Variants in RYR2 observed in about 807,000 individuals in gnomAD.
RYR2 encodes ryanodine receptor 2, also known as cardiac muscle ryanodine receptor-calcium release channel.
In RYR2, 227 loss-of-function variants were observed where a neutral mutation model predicts 601.1. The ratio of observed to expected loss-of-function variants is 0.38; its 90% confidence interval spans 0.34 to 0.42. The LOEUF (loss-of-function observed/expected upper bound fraction) is 0.42, where lower values mean the gene tolerates loss of function less well. Among genes scored for constraint, RYR2 ranks in the 10% least tolerant of loss-of-function variants. The pLI is 1.00. For missense variants in RYR2, 4,646 were observed against 6,156.5 expected (o/e 0.75, Z 8.21); for synonymous variants, 2,223 against 2,175.1 (o/e 1.02, Z -0.61).
intron 1 of RYR2, among the ~76,000 whole-genome samples, chr1:237,234,104 G>A (rs1018352530): frequency 6.6e-6 from 1 of 152,138 alleles, no homozygotes; most frequent in African/African-American, 2.4e-5. Context: ...CAACCTCAGG[G>A]AACTCGCATG....
chr1:237,195,314 T>A (rs2149020042), intron 1 of RYR2, among the ~76,000 whole-genome samples: 1 of 152,354 alleles, frequency 6.6e-6, no homozygotes, highest in South Asian at 2.1e-4. Context: ...AGTGCAATGA[T>A]GTGATCTCGG....
At chr1:237,545,964 GT>G (rs934160769) in intron 25 of RYR2, among the ~76,000 whole-genome samples, 20 of 149,706 alleles carry the variant, frequency 1.3e-4, no homozygotes, top group Admixed American at 5.3e-4. Context: ...AATGTTTTGG[GT>G]TTTTTTTAAT....
chr1:237,373,566 T>A (rs1700805897), intron 6 of RYR2, among the ~76,000 whole-genome samples: 1 of 152,234 alleles, frequency 6.6e-6, no homozygotes, highest in Non-Finnish European at 1.5e-5. Flanking sequence ...TCTTTGTATC[T>A]CTGTTCTTAC....
At chr1:237,695,977 T>C (rs1687390157) in intron 63 of RYR2, among the ~76,000 whole-genome samples, 1 of 152,214 alleles carries the variant, frequency 6.6e-6, no homozygotes, top group Non-Finnish European at 1.5e-5. Context: ...ACAGAATTTG[T>C]CTGGCTCCTG....
intron 1 of RYR2, among the ~76,000 whole-genome samples, chr1:237,156,992 C>A (rs1029936508): frequency 2.6e-5 from 4 of 152,016 alleles, no homozygotes; most frequent in Admixed American, 1.3e-4. Flanking sequence ...CCTCAAAAAA[C>A]CAAAAATAGA....
intron 11 of RYR2, among the ~76,000 whole-genome samples, chr1:237,420,909 T>G: frequency 6.8e-6 from 1 of 147,080 alleles, no homozygotes; most frequent in South Asian, 2.1e-4. Context: ...TATTTCCAAA[T>G]ATTTCATTGT....
At chr1:237,090,309 G>A (rs1284286181) in intron 1 of RYR2, among the ~76,000 whole-genome samples, 2 of 152,178 alleles carry the variant, frequency 1.3e-5, no homozygotes, top group African/African-American at 2.4e-5. Flanking sequence ...ACTTTACATG[G>A]CAAAAGGGAC....
chr1:237,411,995 T>C (rs4465196), intron 10 of RYR2, among the ~76,000 whole-genome samples: 61,552 of 151,888 alleles, frequency 0.41, 14,261 homozygotes, highest in African/African-American at 0.65. Context: ...CCTATAAAAT[T>C]TTATTGTAAA....
At position 237,610,077 on chromosome 1, in the gene RYR2, C is replaced by A. The variant is rs77347263; in HGVS notation, c.4684-685C>A. Among the ~76,000 whole-genome samples the A allele has an allele frequency of 1.2e-4, 18 of 152,040 alleles. No homozygotes were observed. Among genetic ancestry groups the A allele is most frequent in the African/African-American group, 2.7e-4 (11 of 41,446 alleles). ...TATGAGATAATGGTTTTCTTATGGT[C>A]CCATAAGAGGCAGGCATCGGTGTTG... On this transcript the variant is annotated intron_variant, in intron 35 of 104. Transcript: ENST00000366574. This position sits in a 1 kb window ranked among gnomAD's most constrained non-coding sequence, Gnocchi z 4.9.
At chr1:237,669,979 T>A (rs967001359) in intron 58 of RYR2, among the ~76,000 whole-genome samples, 1 of 152,088 alleles carries the variant, frequency 6.6e-6, no homozygotes, top group Non-Finnish European at 1.5e-5. Flanking sequence ...ATCACGCCAC[T>A]GCACTCCAGC....
At chr1:237,604,853 C>A (rs567006320) in intron 35 of RYR2, among the ~76,000 whole-genome samples, 10 of 151,980 alleles carry the variant, frequency 6.6e-5, no homozygotes, top group African/African-American at 2.4e-4. Context: ...ACACATACAC[C>A]CTCCCAAGAC....
intron 1 of RYR2, among the ~76,000 whole-genome samples, chr1:237,254,422 A>AT (rs1687754873): frequency 6.6e-6 from 1 of 152,236 alleles, no homozygotes; most frequent in African/African-American, 2.4e-5. Context: ...TTTGGAGCTT[A>AT]TGCAATAAAC....
At chr1:237,565,101 T>TTTTCTTTC (rs57139097) in intron 27 of RYR2, among the ~76,000 whole-genome samples, 1 of 114,124 alleles carries the variant, frequency 8.8e-6, no homozygotes, top group African/African-American at 3.2e-5. Context: ...TTCTCTTTTC[T>TTTTCTTTC]TTTCTTTCTT....
At chr1:237,651,617 A>G in intron 51 of RYR2, 116 bp downstream of exon 51, 1 of 661,164 alleles carries the variant, frequency 1.5e-6, no homozygotes, top group Non-Finnish European at 2.6e-6. Flanking sequence ...ATTTCTCCCA[A>G]TTATTGAAAT....
chr1:237,646,351 T>TA (rs1682158370), intron 48 of RYR2, among the ~76,000 whole-genome samples: 1 of 151,210 alleles, frequency 6.6e-6, no homozygotes, highest in South Asian at 2.1e-4. Flanking sequence ...AAAAAAAAAT[T>TA]TTTTTTTTTA....
chr1:237,828,770 G>A (rs1034283587), intron 102 of RYR2, among the ~76,000 whole-genome samples: 1 of 152,170 alleles, frequency 6.6e-6, no homozygotes, highest in African/African-American at 2.4e-5. Context: ...CTTTATGGGA[G>A]TAAAGCCCTG....
intron 98 of RYR2, among the ~76,000 whole-genome samples, chr1:237,805,701 G>T (rs1422613358): frequency 1.6e-5 from 1 of 63,286 alleles, no homozygotes; most frequent in Non-Finnish European, 3.2e-5. Flanking sequence ...ATATTCATGG[G>T]GTACCTAGTG....
intron 1 of RYR2, among the ~76,000 whole-genome samples, chr1:237,081,901 C>A (rs1349107535): frequency 6.6e-6 from 1 of 152,000 alleles, no homozygotes; most frequent in Non-Finnish European, 1.5e-5. Flanking sequence ...CACTACTTGG[C>A]GATGATCCCT....
At chr1:237,384,988 C>T (rs990090231) in intron 8 of RYR2, among the ~76,000 whole-genome samples, 1 of 152,056 alleles carries the variant, frequency 6.6e-6, no homozygotes, top group Non-Finnish European at 1.5e-5. Context: ...CTCCCGGGTT[C>T]ACACCATTTT....
Sources: allele counts gnomAD v4.1 joint callset (sites outside exome capture counted in the v4.1 genomes callset), GRCh38; gene constraint gnomAD v4.1.1; non-coding constraint Gnocchi (gnomAD v3.1); transcripts MANE v1.5; gene names NCBI Gene and HGNC (gene_info 2026-07-23, HGNC 2026-07-21).